The following RYR2 variants were observed in gnomAD, a reference collection of about 807,000 sequenced individuals.
RYR2 encodes the protein ryanodine receptor 2.
A neutral mutation model predicts 601.1 loss-of-function variants in RYR2; 227 were observed. The ratio of observed to expected loss-of-function variants is 0.38; its 90% CI spans 0.34 to 0.42. The LOEUF (loss-of-function observed/expected upper bound fraction) is 0.42, where lower values mean the gene tolerates loss of function less well. Among genes scored for constraint, RYR2 ranks in the 10% least tolerant of loss-of-function variants. The pLI is 1.00. For synonymous variants in RYR2, 2,223 were observed against 2,175.1 expected (o/e 1.02, Z -0.61); for missense variants, 4,646 against 6,156.5 (o/e 0.75, Z 8.21).
intron 12 of RYR2, among the ~76,000 whole-genome samples, chr1:237,424,520 G>A (rs1705929093): frequency 6.6e-6 from 1 of 152,156 alleles, no homozygotes; most frequent in African/African-American, 2.4e-5. Context: ...AGGAAAAGAT[G>A]TTAAGTACCA....
rs139452997 is a variant in RYR2 at position 237,300,789 on chromosome 1, C to T, written c.169-30089C>T. ...TTCCACATTTTTTATAAAATAAATA[C>T]GTCCGAGTTTGCTAGGGGATTCCAA... On this transcript the variant is annotated intron_variant, in intron 2 of 104. Transcript: ENST00000366574. Among the ~76,000 whole-genome samples, 6 of 152,164 alleles carry T rather than the reference C, an allele frequency of 3.9e-5. No individual in the cohort carries two copies. In the East Asian group the frequency reaches 7.7e-4, roughly 20 times the overall value.
At chr1:237,451,486 A>G (rs1386825302) in intron 14 of RYR2, among the ~76,000 whole-genome samples, 1 of 151,582 alleles carries the variant, frequency 6.6e-6, no homozygotes, top group African/African-American at 2.4e-5. Context: ...AGGCTCGAGA[A>G]TCACTTAAAC....
chr1:237,345,536 A>G (rs1263300271), intron 3 of RYR2, among the ~76,000 whole-genome samples: 1 of 151,950 alleles, frequency 6.6e-6, no homozygotes, highest in Non-Finnish European at 1.5e-5. Context: ...GAACAAATTC[A>G]GAAAACACTG....
At chr1:237,805,707 T>C (rs1660563516) in intron 98 of RYR2, among the ~76,000 whole-genome samples, 1 of 49,498 alleles carries the variant, frequency 2.0e-5, no homozygotes, top group South Asian at 4.6e-4. Flanking sequence ...ATGGGGTACC[T>C]AGTGATATTT....
In RYR2 at chr1:237,387,356, A is replaced by G; in HGVS notation, c.652A>G (p.Ser218Gly). The G allele has an allele frequency of 6.2e-7, 1 of 1,614,028 alleles. No individual in the cohort carries two copies. Among genetic ancestry groups the G allele is most frequent in the Non-Finnish European group, 8.5e-7 (1 of 1,179,886 alleles). The change falls in exon 9 of 105, where the codon AGC becomes GGC. Residue 218 changes from serine to glycine, a missense_variant. By Grantham distance (56) the Ser-to-Gly change is moderately conservative (BLOSUM62 0). This residue lies in a region of RYR2 where 87 missense variants were observed against 144.7 expected (regional missense o/e 0.60). Coordinates refer to ENST00000366574, the MANE Select transcript of RYR2 (RefSeq NM_001035.3). ...GACTCTCTGGAGCGTGGCCCCAATC[A>G]GCTCAGGAAGTGAGGCAGCCCAAGG... The part of the protein sequence containing the change: ...QQTLWSVAPI[S>G]SGSEAAQGYL...
At chr1:237,216,765 A>AT (rs1185831543) in intron 1 of RYR2, among the ~76,000 whole-genome samples, 1 of 151,078 alleles carries the variant, frequency 6.6e-6, no homozygotes, top group Non-Finnish European at 1.5e-5. Context: ...AAAAAAAAAA[A>AT]CAAAAAACAA....
At chr1:237,401,128 C>T (rs1703313401) in intron 10 of RYR2, among the ~76,000 whole-genome samples, 1 of 152,106 alleles carries the variant, frequency 6.6e-6, no homozygotes, top group Non-Finnish European at 1.5e-5. Context: ...GTCAATTCTG[C>T]AAGAAGCAAA....
At chr1:237,325,217 T>C (rs897672063) in intron 2 of RYR2, among the ~76,000 whole-genome samples, 1 of 152,218 alleles carries the variant, frequency 6.6e-6, no homozygotes, top group Non-Finnish European at 1.5e-5. Flanking sequence ...GTCATGCCAA[T>C]GAAGTAGAAA....
chr1:237,632,635 A>G (rs773281122), intron 42 of RYR2, among the ~76,000 whole-genome samples: 24 of 151,988 alleles, frequency 1.6e-4, no homozygotes, highest in Non-Finnish European at 2.8e-4. Context: ...TGACCTCATG[A>G]TCTTCCTGCC....
At chr1:237,133,850 G>C (rs996239112) in intron 1 of RYR2, among the ~76,000 whole-genome samples, 2 of 148,986 alleles carry the variant, frequency 1.3e-5, no homozygotes, top group African/African-American at 4.9e-5. Flanking sequence ...GCTTGAACCC[G>C]GGAGATGGAG....
At chr1:237,470,924 GA>G (rs1448119087) in intron 17 of RYR2, among the ~76,000 whole-genome samples, 2 of 151,978 alleles carry the variant, frequency 1.3e-5, no homozygotes, top group Non-Finnish European at 2.9e-5. Context: ...GAGAGAGAGA[GA>G]GACAGAGAGA....
chr1:237,589,484 G>T (rs942952591), intron 29 of RYR2, among the ~76,000 whole-genome samples: 8 of 152,128 alleles, frequency 5.3e-5, no homozygotes, highest in African/African-American at 1.4e-4. Context: ...GCAGGGCGGG[G>T]ATCTCTAGAA....
chr1:237,729,160 A>G (rs1363323457), intron 76 of RYR2, among the ~76,000 whole-genome samples: 1 of 152,100 alleles, frequency 6.6e-6, no homozygotes, highest in Non-Finnish European at 1.5e-5. Flanking sequence ...GTGATGTCAT[A>G]GAGTTCTTCC....
chr1:237,736,321 C>G (rs1691139413), intron 79 of RYR2, among the ~76,000 whole-genome samples: 1 of 151,940 alleles, frequency 6.6e-6, no homozygotes. Flanking sequence ...ATTAGCCAGG[C>G]ACGGTGGTGC....
intron 2 of RYR2, among the ~76,000 whole-genome samples, chr1:237,327,167 A>C (rs76980291): frequency 3.3e-5 from 5 of 151,830 alleles, no homozygotes; most frequent in South Asian, 4.1e-4. Context: ...TTTTTTTTTA[A>C]CTGTCTCAGC....
chr1:237,608,436 C>T (rs1677397068), intron 35 of RYR2, among the ~76,000 whole-genome samples: 1 of 152,116 alleles, frequency 6.6e-6, no homozygotes, highest in Non-Finnish European at 1.5e-5. Context: ...GTCTCAGTGG[C>T]TCATGCTTGT....
intron 2 of RYR2, among the ~76,000 whole-genome samples, chr1:237,286,278 C>T (rs960070654): frequency 1.3e-5 from 2 of 151,908 alleles, no homozygotes; most frequent in African/African-American, 2.4e-5. Flanking sequence ...GTTTTTGACC[C>T]AATGCTCATT....
intron 1 of RYR2, among the ~76,000 whole-genome samples, chr1:237,069,335 AG>A (rs1263184027): frequency 6.6e-6 from 1 of 152,168 alleles, no homozygotes; most frequent in Non-Finnish European, 1.5e-5. Context: ...TACTTAATAT[AG>A]GAACATAAAT....
chr1:237,675,824 C>T (rs534858223), intron 60 of RYR2, among the ~76,000 whole-genome samples: 1 of 152,244 alleles, frequency 6.6e-6, no homozygotes, highest in South Asian at 2.1e-4. Flanking sequence ...TCCAATTGAG[C>T]ATCTTTCTCA....
Sources: allele counts gnomAD v4.1 joint callset (sites outside exome capture counted in the v4.1 genomes callset), GRCh38; gene constraint gnomAD v4.1.1; regional missense constraint gnomAD v4.1.1; transcripts MANE v1.5; gene names NCBI Gene and HGNC (gene_info 2026-07-23, HGNC 2026-07-21).